PPP1R12A: variants seen among roughly 807,000 people sequenced by gnomAD.
PPP1R12A encodes myosin binding subunit.
In PPP1R12A, 19 loss-of-function variants were observed where a neutral mutation model predicts 139.6. That is an observed-to-expected ratio of 0.14 (90% CI 0.09 to 0.20). The LOEUF is 0.20. Among genes scored for constraint, PPP1R12A ranks in the 10% least tolerant of loss-of-function variants. PPP1R12A has a pLI of 1.00. For synonymous variants in PPP1R12A, 427 were observed against 420.6 expected (o/e 1.02, Z -0.19); for missense variants, 925 against 1,211.5 (o/e 0.76, Z 3.51).
At chr12:79,906,033 A>T (rs1044201676) in intron 1 of PPP1R12A, among the ~76,000 whole-genome samples, 1 of 152,192 alleles carries the variant, frequency 6.6e-6, no homozygotes, top group Non-Finnish European at 1.5e-5. Context: ...TAAGGAAATC[A>T]TCCTACTTTA....
chr12:79,802,248 A>G (rs988132039), intron 14 of PPP1R12A, among the ~76,000 whole-genome samples: 1 of 152,178 alleles, frequency 6.6e-6, no homozygotes, highest in Non-Finnish European at 1.5e-5. Flanking sequence ...ACTTCCCAAG[A>G]CCATTTAAAT....
chr12:79,894,011 C>A (rs1884902569), intron 1 of PPP1R12A, among the ~76,000 whole-genome samples: 2 of 152,112 alleles, frequency 1.3e-5, no homozygotes, highest in Admixed American at 1.3e-4. Context: ...CAGAAAGATT[C>A]CAAGGAAGTA....
At chr12:79,901,031 T>C (rs1885590534) in intron 1 of PPP1R12A, among the ~76,000 whole-genome samples, 1 of 152,048 alleles carries the variant, frequency 6.6e-6, no homozygotes, top group African/African-American at 2.4e-5. Flanking sequence ...AAAGACAAAA[T>C]CAAGAAACTT....
chr12:79,847,047 A>G (rs1451337346), intron 2 of PPP1R12A, among the ~76,000 whole-genome samples: 2 of 152,148 alleles, frequency 1.3e-5, no homozygotes, highest in East Asian at 3.9e-4. Flanking sequence ...AAAAAAGTAC[A>G]CGTCCACAGA....
At chr12:79,852,792 T>A (rs1880210528) in intron 2 of PPP1R12A, among the ~76,000 whole-genome samples, 1 of 152,150 alleles carries the variant, frequency 6.6e-6, no homozygotes, top group South Asian at 2.1e-4. Flanking sequence ...TAGCCTCTAC[T>A]AATACCCCTG....
chr12:79,817,913 C>T lies in PPP1R12A; in HGVS notation c.1115-395G>A, dbSNP rs376060829. Among the ~76,000 whole-genome samples, 9 of 152,332 alleles carry T rather than the reference C, an allele frequency of 5.9e-5. No individual in the cohort carries two copies. In the East Asian group the frequency reaches 1.7e-3, roughly 29 times the overall value. ...AACAACTATTATTACTGATCTAAAA[C>T]TGATGGTTCCTCTTTAATCAAGGAA... is the stretch of plus-strand genomic sequence containing the variant. On this transcript the variant is annotated intron_variant, in intron 8 of 24. Coordinates refer to ENST00000450142, the MANE Select transcript of PPP1R12A (RefSeq NM_002480.3).
chr12:79,789,236 T>G (rs558264118), intron 20 of PPP1R12A, among the ~76,000 whole-genome samples: 2 of 152,090 alleles, frequency 1.3e-5, no homozygotes, highest in Admixed American at 1.3e-4. Flanking sequence ...ACCCAGCCTA[T>G]TTTTTTAATA....
intron 1 of PPP1R12A, among the ~76,000 whole-genome samples, chr12:79,891,762 G>C (rs975537301): frequency 6.6e-6 from 1 of 152,102 alleles, no homozygotes; most frequent in Non-Finnish European, 1.5e-5. Flanking sequence ...GCTCTCTCCT[G>C]GATCACTCAC....
intron 11 of PPP1R12A, among the ~76,000 whole-genome samples, chr12:79,807,639 CA>C (rs919006419): frequency 8.0e-5 from 12 of 149,764 alleles, no homozygotes; most frequent in Non-Finnish European, 1.6e-4. Flanking sequence ...TATGTGCCGA[CA>C]AAAAAAATGC....
In PPP1R12A at chr12:79,775,980, T is replaced by C. The variant is rs189242485; in HGVS notation, c.3042A>G (p.Leu1014=). 3 of 1,600,696 alleles carry C rather than the reference T, an allele frequency of 1.9e-6. No individual in the cohort carries two copies. The Admixed American group carries it at 5.1e-5, about 27-fold the overall frequency. ...TGATCAAGGCCCCATTTTCATCCTT[T>C]AGCCTCTGGTTGTCTGCTTTTAGGT... ...LPDLKADNQR[L]KDENGALIRV... is the part of the protein sequence containing the mutation. Residue 1014 remains leucine, a synonymous_variant, in exon 25 of 25, where the codon CTA becomes CTG. Transcript: ENST00000450142.
Position 79,823,194 on chromosome 12 carries a change from G to C in PPP1R12A, c.793-1004C>G, listed in dbSNP as rs543461272. On this transcript the variant is annotated intron_variant, in intron 5 of 24. Transcript: ENST00000450142. ...GCTGCCTGCATTAGTCCTTATAATAGCCCTACTGTACAAGTTTCCAGGATG... is the reference window on the plus strand; with the variant it reads ...GCTGCCTGCATTAGTCCTTATAATACCCCTACTGTACAAGTTTCCAGGATG... Among the ~76,000 whole-genome samples the C allele has an allele frequency of 1.8e-3, 273 of 151,952 alleles. 1 individual carries two copies. Among genetic ancestry groups the C allele is most frequent in the African/African-American group, 6.2e-3 (258 of 41,454 alleles).
rs190332982 is a variant in PPP1R12A, at chr12:79,845,004, T to C, written c.487+298A>G. 5.3e-5 allele frequency among the ~76,000 whole-genome samples: 8 copies of C among 152,344 alleles called. No homozygotes were observed. In the East Asian group the frequency reaches 1.5e-3, roughly 29 times the overall value. Reference sequence around the variant, plus strand: ...ACTATTTAACTTTGCAATGTGCCACTTACCCTGTGCACTTTCTATCCCCTT... The same window carrying C: ...ACTATTTAACTTTGCAATGTGCCACCTACCCTGTGCACTTTCTATCCCCTT... On this transcript the variant is annotated intron_variant, in intron 3 of 24. Transcript: ENST00000450142.
chr12:79,934,668 G>A (rs1040485240), intron 1 of PPP1R12A, 27 bp downstream of exon 1: 3 of 1,502,586 alleles, frequency 2.0e-6, no homozygotes, highest in African/African-American at 2.8e-5. Context: ...CTCACGGTCA[G>A]GAGAGCCGGC....
chr12:79,933,730 G>T (rs1354776925), intron 1 of PPP1R12A, among the ~76,000 whole-genome samples: 2 of 152,262 alleles, frequency 1.3e-5, no homozygotes, highest in East Asian at 3.9e-4. Context: ...CATTATCTCT[G>T]GATTGCCAAT....
At chr12:79,881,091 C>T (rs747497477) in intron 1 of PPP1R12A, among the ~76,000 whole-genome samples, 29 of 152,042 alleles carry the variant, frequency 1.9e-4, no homozygotes, top group Non-Finnish European at 3.5e-4. Context: ...CATCTCTCTC[C>T]CTTTCCTGAG....
chr12:79,818,728 G>A (rs138212510), intron 8 of PPP1R12A: 16 of 152,200 alleles, frequency 1.1e-4, no homozygotes, highest in African/African-American at 3.1e-4. Context: ...AAAACTTATG[G>A]TTGCACTCTC....
At chr12:79,808,342 G>T in intron 11 of PPP1R12A, 141 bp downstream of exon 11, 1 of 585,478 alleles carries the variant, frequency 1.7e-6, no homozygotes, top group Non-Finnish European at 3.0e-6. Flanking sequence ...CTATGTACCT[G>T]GTATTTTCTC....
chr12:79,903,569 A>AT (rs1262950858), intron 1 of PPP1R12A, among the ~76,000 whole-genome samples: 2 of 152,154 alleles, frequency 1.3e-5, no homozygotes, highest in Admixed American at 6.5e-5. Context: ...CATTAAATAC[A>AT]TGCAAATATT....
intron 1 of PPP1R12A, among the ~76,000 whole-genome samples, chr12:79,904,206 C>G (rs1227716483): frequency 6.6e-6 from 1 of 150,990 alleles, no homozygotes; most frequent in Non-Finnish European, 1.5e-5. Flanking sequence ...CAGAGTAAGA[C>G]TCTGTCTCCA....
Sources: gnomAD v4.1 joint callset for allele counts (sites outside exome capture counted in the v4.1 genomes callset) on GRCh38, gnomAD v4.1.1 for gene constraint, MANE v1.5 for transcripts, NCBI Gene and HGNC (gene_info 2026-07-23, HGNC 2026-07-21) for gene names.